Variants in DYNC2I1 observed in about 807,000 individuals in gnomAD.
DYNC2I1 encodes dynein 2 intermediate chain 1, also known as cytoplasmic dynein 2 intermediate chain 1.
Under a neutral mutation model 133.4 loss-of-function variants are expected in DYNC2I1, and 89 were observed. The observed-to-expected ratio is 0.67, with a 90% CI of 0.56 to 0.80. The LOEUF (loss-of-function observed/expected upper bound fraction) is 0.80. Among genes scored for constraint, DYNC2I1 ranks in the 30% least tolerant of loss-of-function variants. The pLI, the probability that DYNC2I1 is intolerant of heterozygous loss-of-function variation, is 0.00. For synonymous variants in DYNC2I1, 504 were observed against 484.3 expected (o/e 1.04, Z -0.54); for missense variants, 1,291 against 1,314.5 (o/e 0.98, Z 0.28).
Position 158,942,432 on chromosome 7 carries a change from C to G in DYNC2I1, c.3002+284C>G, listed in dbSNP as rs143839875. Among the ~76,000 whole-genome samples, 197 of 152,358 alleles carry G rather than the reference C, an allele frequency of 1.3e-3. 1 individual carries two copies. The highest frequency in any genetic ancestry group is 4.4e-3 in the African/African-American group (185 of 41,582). ...CAATCACGGGCCTGTTCCCACACCA[C>G]CACCACCGAGTCGACGGCTTACCTG... On this transcript the variant is annotated intron_variant, in intron 24 of 24. Transcript: ENST00000407559.
intron 1 of DYNC2I1, among the ~76,000 whole-genome samples, chr7:158,856,955 G>C (rs978559719): frequency 3.3e-5 from 5 of 152,026 alleles, no homozygotes; most frequent in Non-Finnish European, 7.4e-5. Context: ...GCAGGACGCC[G>C]GGCTCCCGGC....
intron 14 of DYNC2I1, 68 bp downstream of exon 14, chr7:158,914,389 T>C: frequency 7.9e-7 from 1 of 1,262,082 alleles, no homozygotes; most frequent in Non-Finnish European, 1.1e-6. Context: ...CATAGAAACA[T>C]AGGAGCTTTT....
chr7:158,942,217 C>CT (rs1851449289), intron 24 of DYNC2I1, 69 bp downstream of exon 24: 4 of 1,260,618 alleles, frequency 3.2e-6, no homozygotes, highest in African/African-American at 3.0e-5. Flanking sequence ...CACTTACGGT[C>CT]TTTCTTCATT....
At chr7:158,884,046 A>AT (rs373885374) in intron 5 of DYNC2I1, among the ~76,000 whole-genome samples, 17,808 of 125,500 alleles carry the variant, frequency 0.14, 1,315 homozygotes, top group Middle Eastern at 0.27. Context: ...TTAAAAAACA[A>AT]TTTTTTTTTT....
chr7:158,951,567 C>G (rs556646612), intron 4 of DYNC2I1, among the ~76,000 whole-genome samples: 1 of 152,342 alleles, frequency 6.6e-6, no homozygotes, highest in African/African-American at 2.4e-5. Flanking sequence ...CCAGGGCATG[C>G]TGGCCTCTGT....
intron 21 of DYNC2I1, among the ~76,000 whole-genome samples, chr7:158,931,581 A>T (rs1472494092): frequency 1.3e-5 from 2 of 152,084 alleles, no homozygotes; most frequent in African/African-American, 4.8e-5. Context: ...ATTGCTTTAT[A>T]TGGTGCATTG....
intron 14 of DYNC2I1, among the ~76,000 whole-genome samples, chr7:158,915,749 A>T (rs1848129019): frequency 6.8e-6 from 1 of 148,132 alleles, no homozygotes; most frequent in Non-Finnish European, 1.5e-5. Context: ...ATTAAGGATG[A>T]TTGTGAAACG....
At chr7:158,950,865 A>G (rs923271075), downstream of DYNC2I1, among the ~76,000 whole-genome samples, 2 of 151,362 alleles carry the variant, frequency 1.3e-5, no homozygotes, top group African/African-American at 4.9e-5. Context: ...CAGGTGTGAT[A>G]TACTGCACCG....
chr7:158,938,583 A>G (rs918279494), intron 23 of DYNC2I1, among the ~76,000 whole-genome samples: 2 of 152,108 alleles, frequency 1.3e-5, no homozygotes, highest in African/African-American at 4.8e-5. Flanking sequence ...ATGATGAAAT[A>G]TGTCTCTACT....
intron 23 of DYNC2I1, among the ~76,000 whole-genome samples, chr7:158,937,952 G>A (rs761065035): frequency 2.0e-5 from 3 of 151,900 alleles, no homozygotes; most frequent in Non-Finnish European, 4.4e-5. Flanking sequence ...AGAACAAAAA[G>A]GAATAAAGAC....
chr7:158,905,519 T>C (rs113296506), intron 10 of DYNC2I1, among the ~76,000 whole-genome samples: 4 of 152,244 alleles, frequency 2.6e-5, no homozygotes, highest in African/African-American at 9.6e-5. Context: ...TTCAGAAATT[T>C]TAGAGCTTCT....
chr7:158,848,437 C>G, the DYNC2I1 span, among the ~76,000 whole-genome samples: 1 of 152,134 alleles, frequency 6.6e-6, no homozygotes, highest in African/African-American at 2.4e-5. Context: ...AATTTTCTGT[C>G]CCCCATGAGT....
At chr7:158,949,546 A>C (rs909832816), downstream of DYNC2I1, among the ~76,000 whole-genome samples, 9 of 152,196 alleles carry the variant, frequency 5.9e-5, no homozygotes, top group African/African-American at 2.2e-4. Flanking sequence ...ATGACAGCAG[A>C]GGCAGTGCCG....
intron 6 of DYNC2I1, among the ~76,000 whole-genome samples, chr7:158,885,897 A>G (rs1274277607): frequency 6.6e-6 from 1 of 152,124 alleles, no homozygotes; most frequent in East Asian, 1.9e-4. Flanking sequence ...TATGAATGAA[A>G]GTTTAAAAAT....
At chr7:158,926,703 G>A (rs923885871) in intron 19 of DYNC2I1, among the ~76,000 whole-genome samples, 17 of 152,240 alleles carry the variant, frequency 1.1e-4, no homozygotes, top group Admixed American at 1.0e-3. Context: ...CGGAATGAAA[G>A]TGAGAAGGGA....
In DYNC2I1 at chr7:158,871,399, A is replaced by G; in HGVS notation, c.327A>G (p.Arg109=). The G allele has an allele frequency of 6.4e-7, 1 of 1,551,780 alleles. No individual in the cohort carries two copies. Among genetic ancestry groups the G allele is most frequent in the Non-Finnish European group, 8.7e-7 (1 of 1,147,022 alleles). The change falls in exon 3 of 25, where the codon CGA becomes CGG. Residue 109 remains arginine, a synonymous_variant. Transcript: ENST00000407559. Reference sequence around the variant, plus strand: ...AAGAAAAGCTGAAGGAGAAACATCGAGAGGCAGAAAAGTCTCACAGCAGAG... The same window carrying G: ...AAGAAAAGCTGAAGGAGAAACATCGGGAGGCAGAAAAGTCTCACAGCAGAG... ...REKEKLKEKH[R]EAEKSHSRGK...
At chr7:158,860,448 A>G (rs1451685319) in intron 1 of DYNC2I1, among the ~76,000 whole-genome samples, 1 of 152,216 alleles carries the variant, frequency 6.6e-6, no homozygotes, top group Non-Finnish European at 1.5e-5. Context: ...ATGAATATAA[A>G]TAGTTTTATG....
chr7:158,930,944 AG>A (rs1277196252), intron 21 of DYNC2I1, among the ~76,000 whole-genome samples: 1 of 152,238 alleles, frequency 6.6e-6, no homozygotes, highest in African/African-American at 2.4e-5. Flanking sequence ...CTGGGATTAC[AG>A]GTGTGAGCCC....
chr7:158,914,889 A>C (rs1044130417), intron 14 of DYNC2I1, among the ~76,000 whole-genome samples: 4 of 152,224 alleles, frequency 2.6e-5, no homozygotes, highest in Non-Finnish European at 4.4e-5. Flanking sequence ...GAATCTCAAA[A>C]AGCAGAGAAT....
Sources: gnomAD v4.1 joint callset for allele counts (sites outside exome capture counted in the v4.1 genomes callset) on GRCh38, gnomAD v4.1.1 for gene constraint, MANE v1.5 for transcripts, NCBI Gene and HGNC (gene_info 2026-07-23, HGNC 2026-07-21) for gene names.